The following DMD variants were observed in gnomAD, a reference collection of about 807,000 sequenced individuals.
DMD encodes dystrophin.
DMD carries 63 observed loss-of-function variants against 330.1 expected under a neutral mutation model. That is an observed-to-expected ratio of 0.19 (90% CI 0.16 to 0.24). The LOEUF (loss-of-function observed/expected upper bound fraction) is 0.24, where lower values mean the gene tolerates loss of function less well. Among genes scored for constraint, DMD ranks in the 10% least tolerant of loss-of-function variants. The pLI is 1.00. For synonymous variants in DMD, 1,223 were observed against 959.8 expected, an observed-to-expected ratio of 1.27 and a Z score of -5.07; for missense variants, 3,344 against 2,684.1, an observed-to-expected ratio of 1.25 and a Z score of -5.43.
intron 62 of DMD, among the ~76,000 whole-genome samples, chrX:31,268,206 C>A (rs2051332426): frequency 8.9e-6 from 1 of 111,903 alleles, no homozygotes; most frequent in African/African-American, 3.3e-5. Context: ...TGAAATAATC[C>A]TTTTCTGCTC....
At chrX:33,287,761 C>T (rs1224372934) in intron 1 of DMD, among the ~76,000 whole-genome samples, 1 of 111,422 alleles carries the variant, frequency 9.0e-6, no homozygotes, top group African/African-American at 3.3e-5. Context: ...CACAATCACA[C>T]CTTAGTTGTT....
At chrX:33,292,474 C>T in intron 1 of DMD, among the ~76,000 whole-genome samples, 1 of 110,437 alleles carries the variant, frequency 9.1e-6, no homozygotes, top group South Asian at 3.8e-4. Flanking sequence ...GATTCTTATC[C>T]AAATTTGATT....
chrX:32,343,035 G>C (rs916473131), intron 40 of DMD, 99 bp downstream of exon 40: 3 of 879,675 alleles, frequency 3.4e-6, no homozygotes, highest in Non-Finnish European at 3.3e-6. Flanking sequence ...CAAAGAGAAC[G>C]TTAATAGAAA....
chrX:31,156,908 C>G (rs1443014717), intron 74 of DMD, among the ~76,000 whole-genome samples: 1 of 111,267 alleles, frequency 9.0e-6, no homozygotes, highest in East Asian at 2.8e-4. Context: ...GAGTTCTAGC[C>G]CCTAGCCACA....
chrX:33,074,571 A>C (rs1356757196), intron 1 of DMD, among the ~76,000 whole-genome samples: 1 of 111,176 alleles, frequency 9.0e-6, no homozygotes, highest in Non-Finnish European at 1.9e-5. Context: ...TTGGATCATG[A>C]AAGTTCTGCC....
intron 47 of DMD, among the ~76,000 whole-genome samples, chrX:31,907,295 C>T (rs764339724): frequency 2.7e-5 from 3 of 111,647 alleles, no homozygotes; most frequent in South Asian, 3.7e-4. Flanking sequence ...TCCCTGTTAT[C>T]CCTAAAAGAA....
chrX:33,116,144 G>A (rs1031207435), intron 1 of DMD, among the ~76,000 whole-genome samples: 1 of 109,804 alleles, frequency 9.1e-6, no homozygotes, highest in Non-Finnish European at 1.9e-5. Context: ...AGTGAGCCGA[G>A]ATGGTGCCAC....
chrX:32,589,299 A>T (rs2054624632), intron 13 of DMD, among the ~76,000 whole-genome samples: 1 of 111,603 alleles, frequency 9.0e-6, no homozygotes, highest in Admixed American at 9.6e-5. Flanking sequence ...ATAGAGTATA[A>T]TTATTAGTTC....
At chrX:32,049,929 G>A (rs1220819486) in intron 44 of DMD, among the ~76,000 whole-genome samples, 1 of 111,123 alleles carries the variant, frequency 9.0e-6, no homozygotes, top group African/African-American at 3.3e-5. Context: ...ATTATCAGTT[G>A]TATTGTATCT....
chrX:33,305,780 C>T (rs1000995143), intron 1 of DMD, among the ~76,000 whole-genome samples: 12 of 111,083 alleles, frequency 1.1e-4, no homozygotes, highest in Admixed American at 3.9e-4. Flanking sequence ...TAGAGCATTA[C>T]GTTTTCCTCC....
chrX:32,613,221 T>C (rs920827344), intron 12 of DMD, among the ~76,000 whole-genome samples: 1 of 111,560 alleles, frequency 9.0e-6, no homozygotes, highest in Non-Finnish European at 1.9e-5. Flanking sequence ...TACATTTAAG[T>C]AGGCTTCTTT....
intron 48 of DMD, among the ~76,000 whole-genome samples, chrX:31,867,922 T>C (rs1358750800): frequency 1.8e-5 from 2 of 111,410 alleles, no homozygotes; most frequent in Non-Finnish European, 3.8e-5. Flanking sequence ...TTTTAAGTCT[T>C]TTGTCGTTCA....
chrX:31,582,990 G>C (rs2148046548), intron 55 of DMD, among the ~76,000 whole-genome samples: 1 of 112,290 alleles, frequency 8.9e-6, no homozygotes, highest in South Asian at 3.7e-4. Context: ...AGAGGCAGTA[G>C]GGGATTTCAG....
intron 39 of DMD, among the ~76,000 whole-genome samples, chrX:32,345,368 T>C (rs1200778520): frequency 2.7e-5 from 3 of 111,794 alleles, no homozygotes; most frequent in Non-Finnish European, 3.8e-5. Context: ...CTGCTTAATA[T>C]GAAAGTAGCA....
At chrX:32,333,285 T>G (rs1001372613) in intron 41 of DMD, among the ~76,000 whole-genome samples, 1 of 112,015 alleles carries the variant, frequency 8.9e-6, no homozygotes, top group Non-Finnish European at 1.9e-5. Flanking sequence ...AAAGGGAATT[T>G]TATGCTAGTA....
rs148298204 is a variant in DMD, at chrX:31,154,857, T to C, written c.10554-7339A>G. ...GCTCCCTAAGGAACATTAATTCAAA[T>C]TCAATACACATGGCTTCTGTCACTA... On this transcript the variant is annotated intron_variant, in intron 74 of 78. Coordinates refer to ENST00000357033, the MANE Select transcript of DMD (RefSeq NM_004006.3). Among the ~76,000 whole-genome samples the C allele has an allele frequency of 2.9e-3, 319 of 111,495 alleles. 2 individuals carry two copies. The highest frequency in any genetic ancestry group is 5.2e-3 in the Non-Finnish European group (278 of 53,120).
At chrX:32,766,374 C>A (rs2057375227) in intron 7 of DMD, among the ~76,000 whole-genome samples, 1 of 111,143 alleles carries the variant, frequency 9.0e-6, no homozygotes, top group Admixed American at 9.6e-5. Flanking sequence ...TGTTTAATTT[C>A]TTTCAGGATT....
At chrX:32,139,679 T>C (rs2147038065) in intron 44 of DMD, among the ~76,000 whole-genome samples, 1 of 112,287 alleles carries the variant, frequency 8.9e-6, no homozygotes, top group African/African-American at 3.2e-5. Context: ...TTATTGGGTT[T>C]GGTAATATAC....
chrX:32,980,410 C>T (rs1490062054), intron 2 of DMD, among the ~76,000 whole-genome samples: 1 of 98,780 alleles, frequency 1.0e-5, no homozygotes, highest in Non-Finnish European at 2.0e-5. Flanking sequence ...AAATGGAGTA[C>T]AGGGTATTAG....
Sources: gnomAD v4.1 joint callset for allele counts (sites outside exome capture counted in the v4.1 genomes callset) on GRCh38, gnomAD v4.1.1 for gene constraint, MANE v1.5 for transcripts, NCBI Gene and HGNC (gene_info 2026-07-23, HGNC 2026-07-21) for gene names.